The following TRERF1 variants were observed in gnomAD, a reference collection of about 807,000 sequenced individuals.
TRERF1 encodes transcriptional regulating factor 1, also known as transcriptional-regulating factor 1.
A neutral mutation model predicts 122.9 loss-of-function variants in TRERF1; 27 were observed. That is an observed-to-expected ratio of 0.22 (90% CI 0.16 to 0.30). The LOEUF (loss-of-function observed/expected upper bound fraction) is 0.30. Ranked by LOEUF, TRERF1 falls within the 10% of genes least tolerant of loss-of-function variation. TRERF1 has a pLI of 1.00. For missense variants in TRERF1, 1,248 were observed against 1,560.3 expected, an observed-to-expected ratio of 0.80 and a Z score of 3.37; for synonymous variants, 636 against 641.7, an observed-to-expected ratio of 0.99 and a Z score of 0.13.
chr6:42,428,556 T>G (rs1783991607), intron 2 of TRERF1, among the ~76,000 whole-genome samples: 1 of 152,220 alleles, frequency 6.6e-6, no homozygotes. Context: ...TCACACATCT[T>G]ACATCACAGC....
intron 2 of TRERF1, among the ~76,000 whole-genome samples, chr6:42,427,990 T>C (rs1167536067): frequency 3.9e-5 from 6 of 152,192 alleles, no homozygotes; most frequent in African/African-American, 1.4e-4. Context: ...GTAAGTATCA[T>C]GCAGCCACTG....
chr6:42,358,990 A>ATTC, intron 3 of TRERF1, among the ~76,000 whole-genome samples: 1 of 152,238 alleles, frequency 6.6e-6, no homozygotes, highest in South Asian at 2.1e-4. Flanking sequence ...GGGAGTGGGG[A>ATTC]TGAAGAATGT....
At chr6:42,356,928 A>G (rs1413289316) in intron 3 of TRERF1, among the ~76,000 whole-genome samples, 2 of 152,146 alleles carry the variant, frequency 1.3e-5, no homozygotes, top group Non-Finnish European at 2.9e-5. Flanking sequence ...TGGCAGCCTG[A>G]GCTAAGACAA....
chr6:42,273,276 G>T (rs567070266), intron 4 of TRERF1, among the ~76,000 whole-genome samples: 1 of 152,142 alleles, frequency 6.6e-6, no homozygotes, highest in Admixed American at 6.5e-5. Context: ...CAGGAATCAG[G>T]TCTATTTTTA....
chr6:42,256,298 G>A (rs921373122), intron 12 of TRERF1, among the ~76,000 whole-genome samples: 7 of 152,248 alleles, frequency 4.6e-5, no homozygotes, highest in African/African-American at 1.7e-4. Context: ...TTTGGTTAGA[G>A]GAGAAAAGAG....
chr6:42,296,894 C>T (rs951089913), intron 4 of TRERF1, among the ~76,000 whole-genome samples: 1 of 151,488 alleles, frequency 6.6e-6, no homozygotes, highest in East Asian at 2.0e-4. Context: ...GCCAGACAAA[C>T]AAGCCACAAA....
intron 2 of TRERF1, among the ~76,000 whole-genome samples, chr6:42,394,091 T>C (rs1231214306): frequency 7.2e-5 from 11 of 152,170 alleles, no homozygotes; most frequent in African/African-American, 2.7e-4. Flanking sequence ...TTTTTAAATC[T>C]GGATTTTCAA....
At chr6:42,323,661 T>C (rs552237372) in intron 3 of TRERF1, among the ~76,000 whole-genome samples, 1 of 146,346 alleles carries the variant, frequency 6.8e-6, no homozygotes, top group South Asian at 2.1e-4. Context: ...GGTAGCATGA[T>C]AAGCACCCAG....
intron 2 of TRERF1, among the ~76,000 whole-genome samples, chr6:42,364,764 G>A (rs1216135693): frequency 6.6e-6 from 1 of 152,230 alleles, no homozygotes; most frequent in African/African-American, 2.4e-5. Flanking sequence ...AGGCCAGCCT[G>A]CGTGGGCTAT....
intron 3 of TRERF1, among the ~76,000 whole-genome samples, chr6:42,327,759 G>A (rs1561996661): frequency 6.6e-6 from 1 of 152,098 alleles, no homozygotes. Context: ...AGTTGTTTTA[G>A]AAGACTCTTC....
At chr6:42,311,764 T>TC (rs1357522242) in intron 3 of TRERF1, among the ~76,000 whole-genome samples, 1 of 68,596 alleles carries the variant, frequency 1.5e-5, no homozygotes, top group Non-Finnish European at 2.5e-5. Context: ...AGACTCCGTC[T>TC]CAAAAAAAAA....
intron 6 of TRERF1, 41 bp from the exon 7 acceptor site, chr6:42,264,895 G>A (rs773285018): frequency 6.2e-7 from 1 of 1,605,594 alleles, no homozygotes; most frequent in South Asian, 1.1e-5. Flanking sequence ...CACATACGTT[G>A]AGGAAGGGGA....
intron 2 of TRERF1, among the ~76,000 whole-genome samples, chr6:42,411,900 G>A (rs534508329): frequency 7.9e-5 from 12 of 152,204 alleles, no homozygotes; most frequent in Admixed American, 3.9e-4. Flanking sequence ...AAATGAACAC[G>A]GCTGGACCAG....
intron 17 of TRERF1, among the ~76,000 whole-genome samples, chr6:42,231,223 C>T (rs1378632594): frequency 1.3e-5 from 2 of 152,178 alleles, no homozygotes; most frequent in Non-Finnish European, 2.9e-5. Flanking sequence ...CTCTCTTTGC[C>T]CTTCCACAAT....
intron 2 of TRERF1, among the ~76,000 whole-genome samples, chr6:42,380,006 G>A (rs920863723): frequency 6.6e-6 from 1 of 152,208 alleles, no homozygotes; most frequent in African/African-American, 2.4e-5. Context: ...CAGGAGGAGA[G>A]GGATCGAGAA....
At chr6:42,380,026 A>T (rs919508081) in intron 2 of TRERF1, among the ~76,000 whole-genome samples, 1 of 152,224 alleles carries the variant, frequency 6.6e-6, no homozygotes, top group Non-Finnish European at 1.5e-5. Flanking sequence ...ATGGTGAGGA[A>T]GGAGGGCATT....
At chr6:42,436,425 TAGTA>T (rs1785379193) in intron 2 of TRERF1, among the ~76,000 whole-genome samples, 1 of 152,182 alleles carries the variant, frequency 6.6e-6, no homozygotes, top group African/African-American at 2.4e-5. Context: ...AATATTTAAT[TAGTA>T]AGTATTAAAT....
At chr6:42,254,333 A>G (rs1351528434) in intron 13 of TRERF1, among the ~76,000 whole-genome samples, 1 of 152,214 alleles carries the variant, frequency 6.6e-6, no homozygotes, top group Admixed American at 6.5e-5. Context: ...GTAAGTGTTC[A>G]AAAAATAATT....
intron 2 of TRERF1, among the ~76,000 whole-genome samples, chr6:42,446,773 T>A (rs1018438147): frequency 1.3e-5 from 2 of 151,956 alleles, no homozygotes; most frequent in East Asian, 3.9e-4. Flanking sequence ...GAGGCCAAGG[T>A]GGGCGGATCA....
Sources: allele counts gnomAD v4.1 joint callset (sites outside exome capture counted in the v4.1 genomes callset), GRCh38; gene constraint gnomAD v4.1.1; transcripts MANE v1.5; gene names NCBI Gene and HGNC (gene_info 2026-07-23, HGNC 2026-07-21).